Variants in HFM1 observed in about 807,000 individuals in gnomAD.
HFM1 encodes the protein helicase for meiosis 1.
HFM1 carries 169 observed loss-of-function variants against 192.1 expected under a neutral mutation model. The observed-to-expected ratio is 0.88, with a 90% CI of 0.78 to 1.00. The LOEUF (loss-of-function observed/expected upper bound fraction) is 1.00, where lower values mean the gene tolerates loss of function less well. Ranked by LOEUF, HFM1 falls within the 50% of genes least tolerant of loss-of-function variation. The pLI is 0.00. For missense variants in HFM1, 1,661 were observed against 1,668.0 expected, an observed-to-expected ratio of 1.00 and a Z score of 0.07; for synonymous variants, 525 against 537.8, an observed-to-expected ratio of 0.98 and a Z score of 0.33.
chr1:91,333,923 T>G (rs1654200506), intron 20 of HFM1, among the ~76,000 whole-genome samples: 1 of 152,194 alleles, frequency 6.6e-6, no homozygotes, highest in Non-Finnish European at 1.5e-5. Flanking sequence ...AATCAGCTAA[T>G]GTTAGTATTT....
At chr1:91,323,425 A>G (rs1452069278) in intron 21 of HFM1, among the ~76,000 whole-genome samples, 2 of 152,188 alleles carry the variant, frequency 1.3e-5, no homozygotes, top group Non-Finnish European at 2.9e-5. Flanking sequence ...TGCATTAGAC[A>G]CCAGGACTAT....
intron 13 of HFM1, among the ~76,000 whole-genome samples, chr1:91,368,234 G>A (rs1455757353): frequency 6.6e-6 from 1 of 152,120 alleles, no homozygotes. Context: ...TCAAATTTAG[G>A]AAATACAGAG....
At chr1:91,314,953 G>T (rs1364433116) in intron 28 of HFM1, among the ~76,000 whole-genome samples, 2 of 152,126 alleles carry the variant, frequency 1.3e-5, no homozygotes, top group African/African-American at 4.8e-5. Flanking sequence ...TTTTGGGAAG[G>T]TATCTTCCAG....
chr1:91,337,765 C>T (rs1654792553), intron 20 of HFM1, among the ~76,000 whole-genome samples: 1 of 152,176 alleles, frequency 6.6e-6, no homozygotes, highest in African/African-American at 2.4e-5. Flanking sequence ...GAGCACACAG[C>T]ATGAAGATGA....
chr1:91,344,651 A>G (rs1242277149), intron 19 of HFM1, among the ~76,000 whole-genome samples: 1 of 27,856 alleles, frequency 3.6e-5, no homozygotes, highest in East Asian at 1.0e-3. Context: ...CTAAGAACCT[A>G]TATAGAATGA....
At chr1:91,382,903 T>A (rs1571192415) in intron 6 of HFM1, among the ~76,000 whole-genome samples, 1 of 152,182 alleles carries the variant, frequency 6.6e-6, no homozygotes. Context: ...TCTGCAGAAC[T>A]GAAAATGACA....
At chr1:91,279,044 A>C (rs1465320530) in intron 30 of HFM1, among the ~76,000 whole-genome samples, 1 of 152,130 alleles carries the variant, frequency 6.6e-6, no homozygotes, top group East Asian at 1.9e-4. Context: ...AATATCCAAC[A>C]TCTTACTTCC....
chr1:91,282,504 T>C (rs1199112943), intron 30 of HFM1, among the ~76,000 whole-genome samples: 1 of 152,230 alleles, frequency 6.6e-6, no homozygotes, highest in African/African-American at 2.4e-5. Flanking sequence ...TTTCCTAAAA[T>C]GTCTCATCAC....
At chr1:91,395,995 T>C (rs1663616389) in intron 3 of HFM1, among the ~76,000 whole-genome samples, 1 of 151,914 alleles carries the variant, frequency 6.6e-6, no homozygotes, top group Non-Finnish European at 1.5e-5. Context: ...ACTACAGGTG[T>C]ACACCACCAC....
chr1:91,309,789 A>G lies in HFM1; in HGVS notation c.3391+3560T>C, dbSNP rs554633851. On this transcript the variant is annotated intron_variant, in intron 30 of 38. Transcript: ENST00000370425. ...TTCTGCATCTCTGAATTTGATAAGTATGAATTCATGATGTCTTTTAAGACA... is the reference window on the plus strand; with the variant it reads ...TTCTGCATCTCTGAATTTGATAAGTGTGAATTCATGATGTCTTTTAAGACA... 2.0e-5 allele frequency among the ~76,000 whole-genome samples: 3 copies of G among 152,302 alleles called. No individual in the cohort carries two copies. In the South Asian group the frequency reaches 6.2e-4, roughly 32 times the overall value.
Position 91,380,185 on chromosome 1 carries a change from T to C in HFM1, c.925A>G (p.Lys309Glu), listed in dbSNP as rs1177280282. 1 of 1,574,572 alleles carries C rather than the reference T, an allele frequency of 6.4e-7. No homozygotes were observed. Among genetic ancestry groups the C allele is most frequent in the East Asian group, 2.3e-5 (1 of 43,610 alleles). Residue 309 changes from lysine (K) to glutamate (E), a missense_variant, in exon 8 of 39, where the codon AAA becomes GAA. By Grantham distance (56) the Lys-to-Glu change is moderately conservative. Coordinates refer to ENST00000370425, the MANE Select transcript of HFM1 (RefSeq NM_001017975.6). ...ATAGCTAGTTCAAACACTACAGTTT[T>C]TCCAGAACCAGTTGGAGCACAAATC... is the stretch of plus-strand genomic sequence containing the variant. Reference protein sequence around the residue: ...FVICAPTGSGKTVVFELAITR... With the variant: ...FVICAPTGSGETVVFELAITR...
At chr1:91,362,607 G>A (rs1658662673) in intron 13 of HFM1, among the ~76,000 whole-genome samples, 2 of 152,098 alleles carry the variant, frequency 1.3e-5, no homozygotes, top group Admixed American at 6.5e-5. Flanking sequence ...TTGTGAAAAT[G>A]GCCATACTGC....
chr1:91,366,119 T>G (rs539189308), intron 13 of HFM1, among the ~76,000 whole-genome samples: 41 of 152,176 alleles, frequency 2.7e-4, no homozygotes, highest in African/African-American at 9.2e-4. Flanking sequence ...AGATATATGT[T>G]TGCAAAAAAA....
chr1:91,372,898 T>C (rs1446861704), intron 13 of HFM1, among the ~76,000 whole-genome samples: 2 of 152,142 alleles, frequency 1.3e-5, no homozygotes, highest in Non-Finnish European at 2.9e-5. Flanking sequence ...CTTTGTTGGT[T>C]TTTCTCATTC....
At chr1:91,287,543 G>C (rs1668163754) in intron 30 of HFM1, among the ~76,000 whole-genome samples, 1 of 152,122 alleles carries the variant, frequency 6.6e-6, no homozygotes, top group Admixed American at 6.6e-5. Flanking sequence ...ACCAAAAGTA[G>C]ATAAAACCAC....
chr1:91,314,580 G>A (rs996635323), intron 28 of HFM1, among the ~76,000 whole-genome samples: 1 of 151,986 alleles, frequency 6.6e-6, no homozygotes, highest in Non-Finnish European at 1.5e-5. Context: ...AATTACAGCT[G>A]TTTCCAAGTT....
chr1:91,328,724 C>T (rs1653324868), intron 20 of HFM1: 3 of 1,607,680 alleles, frequency 1.9e-6, no homozygotes, highest in Non-Finnish European at 2.6e-6. Flanking sequence ...ACAGCAGGCT[C>T]AGGCTGCTGG....
chr1:91,327,712 G>A (rs891027180), intron 20 of HFM1, among the ~76,000 whole-genome samples: 3 of 152,130 alleles, frequency 2.0e-5, no homozygotes, highest in African/African-American at 4.8e-5. Context: ...CATTCAAGGA[G>A]AGACCATATG....
At chr1:91,302,870 A>G (rs370626216) in intron 30 of HFM1, among the ~76,000 whole-genome samples, 1 of 152,182 alleles carries the variant, frequency 6.6e-6, no homozygotes, top group South Asian at 2.1e-4. Context: ...CCAACATGGC[A>G]CATGTATACA....
Sources: gnomAD v4.1 joint callset for allele counts (sites outside exome capture counted in the v4.1 genomes callset) on GRCh38, gnomAD v4.1.1 for gene constraint, MANE v1.5 for transcripts, NCBI Gene and HGNC (gene_info 2026-07-23, HGNC 2026-07-21) for gene names.